ADAM2: variants seen among roughly 807,000 people sequenced by gnomAD.
ADAM2 encodes disintegrin and metalloproteinase domain-containing protein 2.
A neutral mutation model predicts 99.3 loss-of-function variants in ADAM2; 101 were observed. The observed-to-expected ratio is 1.02, with a 90% CI of 0.87 to 1.20. The LOEUF is 1.20. Ranked by LOEUF, ADAM2 falls within the 50% of genes most tolerant of loss-of-function variation. ADAM2 has a pLI of 0.00. For synonymous variants in ADAM2, 323 were observed against 287.6 expected, an observed-to-expected ratio of 1.12 and a Z score of -1.25; for missense variants, 948 against 878.7, an observed-to-expected ratio of 1.08 and a Z score of -1.00.
intron 10 of ADAM2, among the ~76,000 whole-genome samples, chr8:39,783,450 A>T (rs1803317595): frequency 6.6e-6 from 1 of 152,100 alleles, no homozygotes; most frequent in African/African-American, 2.4e-5. Flanking sequence ...TGCATACAAC[A>T]TTATGATTGC....
At chr8:39,793,712 T>C (rs1803817720) in intron 7 of ADAM2, among the ~76,000 whole-genome samples, 1 of 152,120 alleles carries the variant, frequency 6.6e-6, no homozygotes, top group South Asian at 2.1e-4. Context: ...CCAAAATCTA[T>C]TGGTAAAGCC....
At chr8:39,810,674 C>T (rs1804657705) in intron 6 of ADAM2, among the ~76,000 whole-genome samples, 1 of 152,168 alleles carries the variant, frequency 6.6e-6, no homozygotes, top group South Asian at 2.1e-4. Context: ...CAACCTGCTC[C>T]TGAATGACTA....
At chr8:39,792,637 G>A (rs1803769236) in intron 7 of ADAM2, among the ~76,000 whole-genome samples, 1 of 151,964 alleles carries the variant, frequency 6.6e-6, no homozygotes, top group Admixed American at 6.6e-5. Context: ...AAGATCCTGA[G>A]CTCAGAGCAG....
intron 3 of ADAM2, among the ~76,000 whole-genome samples, chr8:39,831,656 C>G (rs1805622919): frequency 1.3e-5 from 2 of 151,920 alleles, no homozygotes; most frequent in African/African-American, 4.8e-5. Flanking sequence ...GTACAGAAAT[C>G]CTAACCATGA....
At chr8:39,832,559 T>A (rs996359073) in intron 3 of ADAM2, among the ~76,000 whole-genome samples, 1 of 152,238 alleles carries the variant, frequency 6.6e-6, no homozygotes, top group African/African-American at 2.4e-5. Context: ...TATTCATTTC[T>A]AAAATGTTTG....
At chr8:39,832,470 A>G (rs1006285310) in intron 3 of ADAM2, among the ~76,000 whole-genome samples, 2 of 152,150 alleles carry the variant, frequency 1.3e-5, no homozygotes, top group Admixed American at 6.6e-5. Flanking sequence ...CCATAATATT[A>G]TACACTTTAT....
intron 6 of ADAM2, among the ~76,000 whole-genome samples, chr8:39,816,058 G>A (rs1469832740): frequency 6.6e-6 from 1 of 152,112 alleles, no homozygotes; most frequent in Non-Finnish European, 1.5e-5. Context: ...CAGTTTGGGA[G>A]GCTGAGGTGG....
intron 14 of ADAM2, among the ~76,000 whole-genome samples, chr8:39,761,775 A>G (rs1163319218): frequency 1.3e-5 from 2 of 152,120 alleles, no homozygotes; most frequent in African/African-American, 2.4e-5. Flanking sequence ...GTATAATTTT[A>G]ATTCTCATAA....
At chr8:39,807,228 G>T (rs1186288405) in intron 7 of ADAM2, among the ~76,000 whole-genome samples, 1 of 152,170 alleles carries the variant, frequency 6.6e-6, no homozygotes, top group Non-Finnish European at 1.5e-5. Flanking sequence ...ATGGCCCTTT[G>T]CTTCCTTCCT....
chr8:39,755,139 G>A lies in ADAM2; in HGVS notation c.1797+589C>T, dbSNP rs74983195. Among the ~76,000 whole-genome samples, 10 of 152,164 alleles carry A rather than the reference G, an allele frequency of 6.6e-5. No homozygotes were observed. In the East Asian group the frequency reaches 1.9e-3, roughly 29 times the overall value. On this transcript the variant is annotated intron_variant, in intron 16 of 20. Coordinates refer to ENST00000265708, the MANE Select transcript of ADAM2 (RefSeq NM_001464.5). ...CAAAAGATAATTTATGACATTAGAT[G>A]TATTCTCTGTGTGATATGAGATATT... is the stretch of plus-strand genomic sequence containing the variant.
intron 15 of ADAM2, among the ~76,000 whole-genome samples, chr8:39,760,913 T>TAAAAAAAAAAAAAAAAAAAAAAAAAA (rs1802341281): frequency 9.6e-6 from 1 of 104,548 alleles, no homozygotes; most frequent in African/African-American, 4.0e-5. Flanking sequence ...AAAAAAAAAT[T>TAAAAAAAAAAAAAAAAAAAAAAAAAA]AAAGTAATAG....
intron 19 of ADAM2, among the ~76,000 whole-genome samples, chr8:39,745,150 T>A (rs934584893): frequency 1.3e-5 from 2 of 152,218 alleles, no homozygotes; most frequent in African/African-American, 4.8e-5. Flanking sequence ...ATCATTGTTA[T>A]ATTCATAGTA....
chr8:39,791,108 G>A (rs570052047), intron 7 of ADAM2, among the ~76,000 whole-genome samples: 1 of 151,404 alleles, frequency 6.6e-6, no homozygotes, highest in South Asian at 2.1e-4. Context: ...TTATGCTAAA[G>A]TTTCATGTTA....
intron 7 of ADAM2, among the ~76,000 whole-genome samples, chr8:39,790,292 T>C (rs1279296628): frequency 6.6e-6 from 1 of 151,918 alleles, no homozygotes; most frequent in Non-Finnish European, 1.5e-5. Context: ...GAAATGTCCA[T>C]CAACTAATGA....
intron 7 of ADAM2, among the ~76,000 whole-genome samples, chr8:39,800,631 C>A (rs1171912324): frequency 6.6e-6 from 1 of 152,112 alleles, no homozygotes; most frequent in Non-Finnish European, 1.5e-5. Context: ...TTCCAGCTTG[C>A]TTCCATTCTC....
At chr8:39,828,809 T>G (rs1484353963) in intron 3 of ADAM2, among the ~76,000 whole-genome samples, 27 of 151,896 alleles carry the variant, frequency 1.8e-4, no homozygotes, top group Admixed American at 1.8e-3. Context: ...AAATATCATT[T>G]TTAAATTGTG....
In ADAM2 at chr8:39,762,139, A is replaced by G. The variant is rs1201717204; in HGVS notation, c.1508-858T>C. Among the ~76,000 whole-genome samples, 3 of 152,142 alleles carry G rather than the reference A, an allele frequency of 2.0e-5. 1 individual carries two copies. Among genetic ancestry groups the G allele is most frequent in the African/African-American group, 4.8e-5 (2 of 41,434 alleles). On this transcript the variant is annotated intron_variant, in intron 14 of 20. Coordinates refer to ENST00000265708, the MANE Select transcript of ADAM2 (RefSeq NM_001464.5). Reference sequence around the variant, plus strand: ...CTTAAAAAGCAGTTTATTTCTCATAACCTCCAACTGCTCTACTTGATGGAC... The same window carrying G: ...CTTAAAAAGCAGTTTATTTCTCATAGCCTCCAACTGCTCTACTTGATGGAC...
rs188454001 is a variant in ADAM2, at chr8:39,812,640, A to T, written c.514-3174T>A. The stretch of plus-strand genomic sequence containing the variant: ...AGTACCGCACATCTACAACCATCTG[A>T]TCTTTGACAAACCTGACAAAAACAA... On this transcript the variant is annotated intron_variant, in intron 6 of 20. Transcript: ENST00000265708. Among the ~76,000 whole-genome samples the T allele has an allele frequency of 9.2e-5, 14 of 152,336 alleles. No homozygotes were observed. In the East Asian group the frequency reaches 2.3e-3, roughly 25 times the overall value.
chr8:39,751,898 T>C (rs902582484), intron 16 of ADAM2, among the ~76,000 whole-genome samples: 11 of 152,160 alleles, frequency 7.2e-5, no homozygotes, highest in African/African-American at 2.6e-4. Flanking sequence ...AGTGGCTTGG[T>C]CTCAGCTCAC....
Sources: allele counts gnomAD v4.1 joint callset (sites outside exome capture counted in the v4.1 genomes callset), GRCh38; gene constraint gnomAD v4.1.1; transcripts MANE v1.5; gene names NCBI Gene and HGNC (gene_info 2026-07-23, HGNC 2026-07-21).